The following MDP1 variants were observed in gnomAD, a reference collection of about 807,000 sequenced individuals.
MDP1 encodes the protein magnesium-dependent phosphatase 1.
In MDP1, 18 loss-of-function variants were observed where a neutral mutation model predicts 21.6. That is an observed-to-expected ratio of 0.83 (90% CI 0.58 to 1.24). The LOEUF is 1.24. MDP1 is among the 50% of genes most tolerant of loss of function. The probability of loss-of-function intolerance (pLI) is 0.00; values close to 1 mark genes in which losing one functional copy is unlikely to be tolerated. For synonymous variants in MDP1, 101 were observed against 83.2 expected (o/e 1.21, Z -1.16); for missense variants, 207 against 218.6 (o/e 0.95, Z 0.33).
chr14:24,214,640 G>T (rs778161956), intron 3 of MDP1, 41 bp from the exon 4 acceptor site: 1 of 1,606,120 alleles, frequency 6.2e-7, no homozygotes, highest in East Asian at 2.2e-5. Flanking sequence ...AAAGTGAAGG[G>T]CCAGGGCTAC....
At chr14:24,215,022 C>T (rs1171884496) in intron 3 of MDP1, among the ~76,000 whole-genome samples, 1 of 151,018 alleles carries the variant, frequency 6.6e-6, no homozygotes, top group African/African-American at 2.4e-5. Flanking sequence ...AAGTGATCCT[C>T]CCACCTAGGC....
rs1281557160 is a variant in MDP1 at position 24,215,534 on chromosome 14, G to A, written c.209+18C>T. The A allele has an allele frequency of 1.2e-6, 2 of 1,613,652 alleles. No individual in the cohort carries two copies. Among genetic ancestry groups the A allele is most frequent in the East Asian group, 2.2e-5 (1 of 44,874 alleles). Reference sequence around the variant, plus strand: ...ACCCTTCAGCATTACACTGTCAGTTGTCAGTCGCTCTTCTTACCTTGAAGC... The same window carrying A: ...ACCCTTCAGCATTACACTGTCAGTTATCAGTCGCTCTTCTTACCTTGAAGC... On this transcript the variant is annotated intron_variant, in intron 3 of 5. Transcript: ENST00000288087.
Position 24,214,137 on chromosome 14 carries a change from G to T in MDP1, c.418C>A (p.His140Asn). The change falls in exon 6 of 6, where the codon CAC (histidine) becomes AAC (asparagine). Residue 140 changes from histidine to asparagine, a missense_variant. Physicochemically the swap from His to Asn is moderately conservative, Grantham distance 68. Transcript: ENST00000288087. Reference protein sequence around the residue: ...DVSKLGVTCIHIQNGMNLQTL... With the variant: ...DVSKLGVTCINIQNGMNLQTL... ...TGAAGATTCATTCCATTCTGGATGT[G>T]AATGCAGGTAACACCTAGAAAGATA... The T allele has an allele frequency of 5.0e-6, 8 of 1,612,270 alleles. No homozygotes were observed. Among genetic ancestry groups the T allele is most frequent in the Non-Finnish European group, 6.8e-6 (8 of 1,179,342 alleles).
rs2039627865 is a variant in MDP1, at chr14:24,214,013, T to G, written c.*11A>C. ...ATGCACCTGAAAATGCCTTCTTGAT[T>G]TCCTTTCAGTTTAGGCCTCAAATGG... On this transcript the variant is annotated 3_prime_UTR_variant, in exon 6 of 6. Coordinates refer to ENST00000288087, the MANE Select transcript of MDP1 (RefSeq NM_138476.4). 1.3e-6 allele frequency: 2 copies of G among 1,560,070 alleles called. No homozygotes were observed. Among genetic ancestry groups the G allele is most frequent in the African/African-American group, 2.8e-5 (2 of 72,052 alleles).
chr14:24,214,274 A>G (rs2039634772), intron 5 of MDP1, 36 bp downstream of exon 5: 1 of 1,613,924 alleles, frequency 6.2e-7, no homozygotes, highest in Non-Finnish European at 8.5e-7. Context: ...AATCCCTCCT[A>G]GGGACCCCAA....
At position 24,216,036 on chromosome 14, in the gene MDP1, G is replaced by GCAGC; in HGVS notation, c.-85_-82dup. The GCAGC allele has an allele frequency of 6.3e-7, 1 of 1,584,272 alleles. No homozygotes were observed. The highest frequency in any genetic ancestry group is 1.1e-5 in the South Asian group (1 of 90,260). On this transcript the variant is annotated 5_prime_UTR_variant, in exon 1 of 6. The change creates a premature stop within an existing upstream ORF in the 5' untranslated region. Transcript: ENST00000288087. ...GAGTGCGGAACCTCCGGCAGCTAAG[G>GCAGC]CAGCCACCCTGCCTGCCATAGACAA...
In MDP1 at chr14:24,213,969, G is replaced by A; in HGVS notation, c.*55C>T. 1 of 1,531,814 alleles carries A rather than the reference G, an allele frequency of 6.5e-7. No homozygotes were observed. Among genetic ancestry groups the A allele is most frequent in the Non-Finnish European group, 8.8e-7 (1 of 1,142,124 alleles). 94.9% of individuals were successfully genotyped at this position (1,531,814 alleles called of 1,614,324 possible). Reference sequence around the variant, plus strand: ...AAAATCTCTTCTGTCACACACAGATGAACTTTAATAAATTACAAATGCACC... The same window carrying A: ...AAAATCTCTTCTGTCACACACAGATAAACTTTAATAAATTACAAATGCACC... On this transcript the variant is annotated 3_prime_UTR_variant, in exon 6 of 6. Coordinates refer to ENST00000288087, the MANE Select transcript of MDP1 (RefSeq NM_138476.4).
In MDP1 at chr14:24,216,003, G is replaced by C; in HGVS notation, c.-48C>G. 1 of 1,612,844 alleles carries C rather than the reference G, an allele frequency of 6.2e-7. No homozygotes were observed. On this transcript the variant is annotated 5_prime_UTR_variant, in exon 1 of 6. Transcript: ENST00000288087. ...CAGCAGAGGTGGGGCTTCACCCGGG[G>C]CCTTAGAGAGTGCGGAACCTCCGGC...
chr14:24,216,065 G>C lies in MDP1; in HGVS notation c.-110C>G. ...CCACCCTGCCTGCCATAGACAAATG[G>C]CGACTAGAGCGTCGCCACTCGGGGC... On this transcript the variant is annotated 5_prime_UTR_variant, in exon 1 of 6. Coordinates refer to ENST00000288087, the MANE Select transcript of MDP1 (RefSeq NM_138476.4). The C allele has an allele frequency of 1.4e-6, 2 of 1,428,346 alleles. No homozygotes were observed. Among genetic ancestry groups the C allele is most frequent in the Non-Finnish European group, 1.9e-6 (2 of 1,030,136 alleles). 88.5% of individuals were successfully genotyped at this position (1,428,346 alleles called of 1,614,324 possible). A position where few individuals can be genotyped will look rare whatever the true frequency, so the allele number is the denominator to read the frequency against.
chr14:24,215,908 C>A lies in MDP1; in HGVS notation c.37+11G>T. 1.2e-6 allele frequency: 2 copies of A among 1,614,236 alleles called. No individual in the cohort carries two copies. Among genetic ancestry groups the A allele is most frequent in the Non-Finnish European group, 1.7e-6 (2 of 1,180,036 alleles). On this transcript the variant is annotated intron_variant, in intron 1 of 5. Transcript: ENST00000288087. ...AGCACCTTACGAAATTCTCCCCTTC[C>A]CGTCCCTCACCCAAATCAAAGACTG...
At chr14:24,214,941 ATTTTTT>A (rs11428547) in intron 3 of MDP1, among the ~76,000 whole-genome samples, 20 of 137,030 alleles carry the variant, frequency 1.5e-4, no homozygotes, top group African/African-American at 5.4e-4. Flanking sequence ...CGCCACTACA[ATTTTTT>A]TTTTTTTTTT....
At chr14:24,214,239 C>A in intron 5 of MDP1, 71 bp downstream of exon 5, 1 of 1,612,844 alleles carries the variant, frequency 6.2e-7, no homozygotes, top group Non-Finnish European at 8.5e-7. Context: ...ATAGGGCAAA[C>A]TATCCAACCT....
Position 24,215,648 on chromosome 14 carries a change from C to T in MDP1, c.113G>A (p.Arg38Gln), listed in dbSNP as rs762226492. Residue 38 changes from arginine (R) to glutamine (Q), a missense_variant, in exon 3 of 6, where the codon CGA becomes CAA. Physicochemically the swap from Arg to Gln is conservative, Grantham distance 43. Coordinates refer to ENST00000288087, the MANE Select transcript of MDP1 (RefSeq NM_138476.4). Reference protein sequence around the residue: ...PFHKSSDGTVRDRRGQDVRLY... With the variant: ...PFHKSSDGTVQDRRGQDVRLY... The stretch of plus-strand genomic sequence containing the variant: ...TCGGACGTCTTGGCCCCGCCTATCT[C>T]GTACAGTTCCATCACTGGAGAGGGC... 1 of 1,614,024 alleles carries T rather than the reference C, an allele frequency of 6.2e-7. No homozygotes were observed. The highest frequency in any genetic ancestry group is 8.5e-7 in the Non-Finnish European group (1 of 1,180,034).
rs779824118 is a variant in MDP1 at position 24,215,795 on chromosome 14, A to G, written c.40T>C (p.Tyr14His). Residue 14 changes from tyrosine to histidine, a missense_variant and splice_region_variant, in exon 2 of 6, where the codon TAC becomes CAC. Coordinates refer to ENST00000288087, the MANE Select transcript of MDP1 (RefSeq NM_138476.4). ...TCGACCCAGAAAGGCCAGAGAGTGT[A>G]ATCTGCGAGAGGAAGGAGAGGGAAG... ...LPKLAVFDLDYTLWPFWVDTH... is the reference protein window; with the variant it reads ...LPKLAVFDLDHTLWPFWVDTH... 6 of 1,614,222 alleles carry G rather than the reference A, an allele frequency of 3.7e-6. No homozygotes were observed. In the Admixed American group the frequency reaches 1.0e-4, roughly 27 times the overall value.
intron 3 of MDP1, 27 bp downstream of exon 3, chr14:24,215,525 C>T (rs1430061871): frequency 1.9e-6 from 3 of 1,612,618 alleles, no homozygotes; most frequent in Non-Finnish European, 2.5e-6. Flanking sequence ...CAGCATTACA[C>T]TGTCAGTTGT....
At chr14:24,215,841 T>C (rs767807510) in intron 1 of MDP1, 44 bp from the exon 2 acceptor site, 2 of 1,613,984 alleles carry the variant, frequency 1.2e-6, no homozygotes, top group African/African-American at 1.3e-5. Flanking sequence ...GGGCGGGAGA[T>C]GCAGGGATTC....
chr14:24,215,959 C>A lies in MDP1; in HGVS notation c.-4G>T. 1 of 1,614,180 alleles carries A rather than the reference C, an allele frequency of 6.2e-7. No homozygotes were observed. Among genetic ancestry groups the A allele is most frequent in the Middle Eastern group, 1.6e-4 (1 of 6,062 alleles). On this transcript the variant is annotated 5_prime_UTR_variant, in exon 1 of 6. Transcript: ENST00000288087. ...CCAGCTTCGGTAGCCGCGCCATGAC[C>A]CGCACCGCAGGCTGCGCGCAGCAGA...
At position 24,214,085 on chromosome 14, in the gene MDP1, A is replaced by G; in HGVS notation, c.470T>C (p.Phe157Ser). 6.2e-7 allele frequency: 1 copy of G among 1,613,570 alleles called. No individual in the cohort carries two copies. Residue 157 changes from phenylalanine to serine, a missense_variant, in exon 6 of 6, where the codon TTT becomes TCT. Physicochemically the swap from Phe to Ser is radical, Grantham distance 155 (BLOSUM62 -2). Coordinates refer to ENST00000288087, the MANE Select transcript of MDP1 (RefSeq NM_138476.4). ...LQTLSQGLET[F>S]AKAQTGPLRS... ...CAAAGGCCCAGTTTGGGCCTTCGCA[A>G]ATGTCTCTAACCCTTGACTTAGAGT...
At position 24,215,637 on chromosome 14, in the gene MDP1, C is replaced by T. The variant is rs760111939; in HGVS notation, c.124G>A (p.Gly42Ser). The stretch of plus-strand genomic sequence containing the variant: ...TCTGGGTACAGTCGGACGTCTTGGC[C>T]CCGCCTATCTCGTACAGTTCCATCA... ...SSDGTVRDRR[G>S]QDVRLYPEVP... Residue 42 changes from glycine to serine, a missense_variant, in exon 3 of 6, where the codon GGC (glycine) becomes AGC (serine). Physicochemically the swap from Gly to Ser is moderately conservative, Grantham distance 56 (BLOSUM62 0). Transcript: ENST00000288087. 75 of 1,614,040 alleles carry T rather than the reference C, an allele frequency of 4.6e-5. 3 individuals carry two copies. In the South Asian group the frequency reaches 7.6e-4, roughly 16 times the overall value.
Sources: allele counts gnomAD v4.1 joint callset (sites outside exome capture counted in the v4.1 genomes callset), GRCh38; gene constraint gnomAD v4.1.1; transcripts MANE v1.5; gene names NCBI Gene and HGNC (gene_info 2026-07-23, HGNC 2026-07-21).